KCNMA1: variants seen among roughly 807,000 people sequenced by gnomAD.
The protein encoded by KCNMA1 is Calcium-activated potassium channel subunit alpha-1.
KCNMA1 carries 29 observed loss-of-function variants against 140.0 expected under a neutral mutation model. The observed-to-expected ratio is 0.21, with a 90% CI of 0.15 to 0.28. The LOEUF (loss-of-function observed/expected upper bound fraction) is 0.28, where lower values mean the gene tolerates loss of function less well. KCNMA1 is among the 10% of genes least tolerant of loss of function. KCNMA1 has a pLI of 1.00. For synonymous variants in KCNMA1, 612 were observed against 611.9 expected, an observed-to-expected ratio of 1.00 and a Z score of 0.00; for missense variants, 880 against 1,602.2, an observed-to-expected ratio of 0.55 and a Z score of 7.70.
chr10:77,173,796 T>C (rs1487258956), intron 5 of KCNMA1, among the ~76,000 whole-genome samples: 1 of 152,164 alleles, frequency 6.6e-6, no homozygotes, highest in South Asian at 2.1e-4. Context: ...ATGGAGTGGG[T>C]GACCTCTGGG....
chr10:76,994,819 C>T (rs1038713853), intron 19 of KCNMA1, among the ~76,000 whole-genome samples: 10 of 152,124 alleles, frequency 6.6e-5, no homozygotes, highest in African/African-American at 2.4e-4. Flanking sequence ...ATGTGCTGGG[C>T]CAGATGACAA....
At chr10:77,089,654 A>G (rs1159375211) in intron 10 of KCNMA1, among the ~76,000 whole-genome samples, 1 of 152,170 alleles carries the variant, frequency 6.6e-6, no homozygotes, top group African/African-American at 2.4e-5. Flanking sequence ...CTTATTGAAG[A>G]CTTACTGCAC....
At chr10:77,137,431 G>C (rs1368588725) in intron 5 of KCNMA1, among the ~76,000 whole-genome samples, 1 of 152,178 alleles carries the variant, frequency 6.6e-6, no homozygotes, top group South Asian at 2.1e-4. Context: ...ATCTGGCCTT[G>C]CAGCTCAGAG....
intron 20 of KCNMA1, among the ~76,000 whole-genome samples, chr10:76,954,650 T>C (rs560464791): frequency 5.3e-5 from 8 of 152,318 alleles, no homozygotes; most frequent in African/African-American, 1.4e-4. Context: ...GTATATGCAC[T>C]AACCATCCAA....
intron 3 of KCNMA1, among the ~76,000 whole-genome samples, chr10:77,245,697 G>A (rs1183091882): frequency 6.6e-6 from 1 of 152,180 alleles, no homozygotes; most frequent in Non-Finnish European, 1.5e-5. Context: ...ATCTCATGGG[G>A]AAACAGCATT....
At chr10:77,174,066 G>C (rs923330101) in intron 5 of KCNMA1, among the ~76,000 whole-genome samples, 4 of 152,082 alleles carry the variant, frequency 2.6e-5, no homozygotes, top group Admixed American at 6.6e-5. Flanking sequence ...AGCCTCTAGG[G>C]GGCACCAGAG....
chr10:77,391,736 G>A (rs1218851146), intron 2 of KCNMA1, among the ~76,000 whole-genome samples: 3 of 151,960 alleles, frequency 2.0e-5, no homozygotes, highest in Admixed American at 6.6e-5. Context: ...CCGTAGGCAC[G>A]AGTCAGTCTG....
chr10:77,226,444 G>C (rs1405542660), intron 3 of KCNMA1, among the ~76,000 whole-genome samples: 2 of 151,846 alleles, frequency 1.3e-5, no homozygotes, highest in African/African-American at 4.8e-5. Context: ...TCTTCACTGG[G>C]AGACGTCCTA....
intron 14 of KCNMA1, among the ~76,000 whole-genome samples, chr10:77,057,293 C>T (rs187555682): frequency 2.8e-4 from 42 of 152,176 alleles, no homozygotes; most frequent in African/African-American, 9.9e-4. Context: ...ATGTTGAACC[C>T]TGAATTCTAT....
chr10:77,477,662 T>C (rs182676378), intron 1 of KCNMA1, among the ~76,000 whole-genome samples: 98 of 152,324 alleles, frequency 6.4e-4, no homozygotes, highest in African/African-American at 2.3e-3. Context: ...CCTAGGAAGA[T>C]AACATGCCCA....
chr10:77,515,301 T>G (rs2050011601), intron 1 of KCNMA1, among the ~76,000 whole-genome samples: 1 of 152,138 alleles, frequency 6.6e-6, no homozygotes, highest in African/African-American at 2.4e-5. Flanking sequence ...TTTTCAATCT[T>G]TTATTTTTTC....
chr10:77,300,930 C>A (rs1371511576), intron 2 of KCNMA1, among the ~76,000 whole-genome samples: 3 of 152,202 alleles, frequency 2.0e-5, no homozygotes, highest in Admixed American at 6.5e-5. Flanking sequence ...TCGCTGGCCC[C>A]ACAGGTTCTG....
chr10:76,976,769 C>T (rs963244802), intron 19 of KCNMA1, among the ~76,000 whole-genome samples: 1 of 152,088 alleles, frequency 6.6e-6, no homozygotes. Context: ...TTGCCTTTAG[C>T]CCTTTTCTTT....
chr10:77,389,941 A>G (rs773106337), intron 2 of KCNMA1, among the ~76,000 whole-genome samples: 3 of 152,122 alleles, frequency 2.0e-5, no homozygotes, highest in Non-Finnish European at 4.4e-5. Flanking sequence ...ATGCAGAGAC[A>G]CCCCTTGATG....
chr10:77,319,087 C>A (rs1421931433), intron 2 of KCNMA1, among the ~76,000 whole-genome samples: 1 of 152,136 alleles, frequency 6.6e-6, no homozygotes, highest in Non-Finnish European at 1.5e-5. Flanking sequence ...CCATCCTTGA[C>A]CTTGAGGAAT....
intron 5 of KCNMA1, among the ~76,000 whole-genome samples, chr10:77,158,972 G>C (rs1031686880): frequency 6.6e-6 from 1 of 152,172 alleles, no homozygotes; most frequent in African/African-American, 2.4e-5. Context: ...TAACAACACA[G>C]GTTTAGGCTA....
At chr10:77,020,921 A>G (rs577771773) in intron 16 of KCNMA1, 1 of 152,224 alleles carries the variant, frequency 6.6e-6, no homozygotes, top group East Asian at 1.9e-4. Context: ...CTTACCTACA[A>G]GAGGTGGATA....
chr10:77,339,140 T>G (rs1239524890), intron 2 of KCNMA1, among the ~76,000 whole-genome samples: 1 of 152,086 alleles, frequency 6.6e-6, no homozygotes, highest in East Asian at 1.9e-4. Context: ...GGAAGTGTTT[T>G]TTTAATGCTT....
chr10:77,150,284 G>T (rs2250841), intron 5 of KCNMA1, among the ~76,000 whole-genome samples: 24,709 of 152,120 alleles, frequency 0.16, 4,111 homozygotes, highest in East Asian at 0.87. Context: ...AAATAGGCCA[G>T]CCCTGTCTTC....
Sources: allele counts gnomAD v4.1 joint callset (sites outside exome capture counted in the v4.1 genomes callset), GRCh38; gene constraint gnomAD v4.1.1; transcripts MANE v1.5; gene names NCBI Gene and HGNC (gene_info 2026-07-23, HGNC 2026-07-21).